PCDH11X: variants seen among roughly 807,000 people sequenced by gnomAD.
PCDH11X encodes protocadherin 11 X-linked.
In PCDH11X, 18 loss-of-function variants were observed where a neutral mutation model predicts 53.3. That is an observed-to-expected ratio of 0.34 (90% confidence interval 0.23 to 0.50). The LOEUF is 0.50. Ranked by LOEUF, PCDH11X falls within the 20% of genes least tolerant of loss-of-function variation. PCDH11X has a pLI of 0.98. For synonymous variants in PCDH11X, 279 were observed against 393.3 expected, an observed-to-expected ratio of 0.71 and a Z score of 3.44; for missense variants, 570 against 1,032.4, an observed-to-expected ratio of 0.55 and a Z score of 6.14.
chrX:92,015,968 G>C (rs2062785539), intron 6 of PCDH11X, among the ~76,000 whole-genome samples: 1 of 111,395 alleles, frequency 9.0e-6, no homozygotes, highest in Admixed American at 9.6e-5. Flanking sequence ...GATAATACTT[G>C]AGAGTTGAAA....
intron 10 of PCDH11X, among the ~76,000 whole-genome samples, chrX:92,474,955 G>C (rs1249529938): frequency 5.7e-5 from 6 of 106,001 alleles, no homozygotes; most frequent in Non-Finnish European, 9.6e-5. Flanking sequence ...CACGAGGTCA[G>C]GAGATCGAGA....
intron 7 of PCDH11X, among the ~76,000 whole-genome samples, chrX:92,205,294 A>T (rs1015270274): frequency 1.8e-5 from 2 of 111,697 alleles, no homozygotes; most frequent in African/African-American, 6.5e-5. Context: ...AGTCTCAAGA[A>T]AATTGGTGAG....
chrX:92,248,389 T>C (rs1216778722), intron 7 of PCDH11X, among the ~76,000 whole-genome samples: 4 of 111,823 alleles, frequency 3.6e-5, no homozygotes, highest in Non-Finnish European at 7.5e-5. Context: ...AATAGCATTT[T>C]ACTTTCACTT....
At chrX:92,259,917 C>T (rs781031802) in intron 7 of PCDH11X, among the ~76,000 whole-genome samples, 1 of 111,413 alleles carries the variant, frequency 9.0e-6, no homozygotes, top group East Asian at 2.8e-4. Flanking sequence ...AACGGGTGCA[C>T]CACAGCTGTG....
intron 7 of PCDH11X, among the ~76,000 whole-genome samples, chrX:92,256,129 CT>C (rs200529979): frequency 0.014 from 1,554 of 112,377 alleles, 21 homozygotes; most frequent in African/African-American, 0.048. Context: ...GGGATATAAT[CT>C]TGTGGTGCAC....
At chrX:92,460,404 C>T in intron 9 of PCDH11X, 1 of 885,306 alleles carries the variant, frequency 1.1e-6, no homozygotes, top group Non-Finnish European at 1.6e-6. Context: ...TCGCCAAGAT[C>T]ATGGCAGACA....
intron 10 of PCDH11X, among the ~76,000 whole-genome samples, chrX:92,598,041 G>T (rs1331377748): frequency 9.0e-6 from 1 of 111,494 alleles, no homozygotes; most frequent in Non-Finnish European, 1.9e-5. Context: ...ATGGATTAAA[G>T]ACTTAAATCT....
At chrX:92,226,576 G>A (rs979679654) in intron 7 of PCDH11X, among the ~76,000 whole-genome samples, 1 of 111,821 alleles carries the variant, frequency 8.9e-6, no homozygotes, top group African/African-American at 3.3e-5. Flanking sequence ...GAAAGTTACA[G>A]TAAAATTAAA....
chrX:92,150,176 A>C (rs1283528835), intron 6 of PCDH11X, among the ~76,000 whole-genome samples: 1 of 111,576 alleles, frequency 9.0e-6, no homozygotes, highest in Non-Finnish European at 1.9e-5. Flanking sequence ...AAAGTGCCAA[A>C]GTTTTTTTCA....
At chrX:92,041,607 T>C (rs1264952370) in intron 6 of PCDH11X, among the ~76,000 whole-genome samples, 1 of 112,123 alleles carries the variant, frequency 8.9e-6, no homozygotes, top group Non-Finnish European at 1.9e-5. Context: ...TCTATTGATT[T>C]TAATACACCA....
chrX:92,422,983 G>A (rs759209417), intron 9 of PCDH11X, among the ~76,000 whole-genome samples: 1 of 107,267 alleles, frequency 9.3e-6, no homozygotes, highest in South Asian at 4.1e-4. Context: ...CAAGTAGCTG[G>A]GACTACAGGC....
intron 8 of PCDH11X, among the ~76,000 whole-genome samples, chrX:92,271,659 T>C (rs1319294721): frequency 8.9e-6 from 1 of 112,112 alleles, no homozygotes; most frequent in Non-Finnish European, 1.9e-5. Context: ...AGACTTATGT[T>C]CCCTGATTCC....
At chrX:91,789,200 C>CAAAAA (rs764959497) in intron 1 of PCDH11X, among the ~76,000 whole-genome samples, 235 of 44,887 alleles carry the variant, frequency 5.2e-3, no homozygotes, top group East Asian at 8.7e-3. Context: ...GACTCCGTCT[C>CAAAAA]AAAAAAAAAA....
At chrX:92,115,756 C>G (rs181067404) in intron 6 of PCDH11X, among the ~76,000 whole-genome samples, 7 of 110,130 alleles carry the variant, frequency 6.4e-5, no homozygotes, top group African/African-American at 2.3e-4. Context: ...CTCAGCATGT[C>G]GGCTTATCCC....
intron 7 of PCDH11X, among the ~76,000 whole-genome samples, chrX:92,259,744 CT>C (rs1488717875): frequency 9.0e-6 from 1 of 111,294 alleles, no homozygotes; most frequent in Non-Finnish European, 1.9e-5. Flanking sequence ...ACCCAAGGTC[CT>C]TGATGTAGTA....
chrX:92,066,832 A>T (rs2063614584), intron 6 of PCDH11X, among the ~76,000 whole-genome samples: 1 of 112,455 alleles, frequency 8.9e-6, no homozygotes, highest in Non-Finnish European at 1.9e-5. Context: ...TGCTGTGAGC[A>T]GTGGCTCAGG....
intron 6 of PCDH11X, among the ~76,000 whole-genome samples, chrX:92,020,591 C>T (rs2062868526): frequency 1.8e-5 from 2 of 111,671 alleles, no homozygotes; most frequent in African/African-American, 3.3e-5. Context: ...TCTCTGTGGA[C>T]CAGCAGACAT....
chrX:92,175,328 G>A (rs1366947030), intron 6 of PCDH11X, among the ~76,000 whole-genome samples: 1 of 111,401 alleles, frequency 9.0e-6, no homozygotes, highest in Non-Finnish European at 1.9e-5. Flanking sequence ...GAAAAGAAAG[G>A]TAGATCTTGT....
chrX:91,813,831 AGAGAG>A (rs1936367743), intron 4 of PCDH11X, among the ~76,000 whole-genome samples: 1 of 109,807 alleles, frequency 9.1e-6, no homozygotes. Flanking sequence ...GAATAAAAAT[AGAGAG>A]GAGAAGCAGT....
Sources: gnomAD v4.1 joint callset for allele counts (sites outside exome capture counted in the v4.1 genomes callset) on GRCh38, gnomAD v4.1.1 for gene constraint, MANE v1.5 for transcripts, NCBI Gene and HGNC (gene_info 2026-07-23, HGNC 2026-07-21) for gene names.